RALYL: variants seen among roughly 807,000 people sequenced by gnomAD.
The protein encoded by RALYL is RALY RNA binding protein like, also known as RNA-binding Raly-like protein.
Under a neutral mutation model 35.1 loss-of-function variants are expected in RALYL, and 29 were observed. The ratio of observed to expected loss-of-function variants is 0.83; its 90% CI spans 0.61 to 1.13. The LOEUF is 1.13. RALYL is among the 50% of genes most tolerant of loss of function. The pLI, the probability that RALYL is intolerant of heterozygous loss-of-function variation, is 0.00. For missense variants in RALYL, 359 were observed against 360.4 expected (o/e 1.00, Z 0.03); for synonymous variants, 120 against 127.6 (o/e 0.94, Z 0.40).
chr8:84,311,091 A>AAAATT, intron 1 of RALYL, among the ~76,000 whole-genome samples: 1 of 117,120 alleles, frequency 8.5e-6, no homozygotes, highest in Admixed American at 9.5e-5. Flanking sequence ...AAAAAAAAAA[A>AAAATT]TGTATATTAA....
intron 3 of RALYL, among the ~76,000 whole-genome samples, chr8:84,788,016 A>G (rs903663918): frequency 2.6e-5 from 4 of 152,094 alleles, no homozygotes; most frequent in Admixed American, 2.0e-4. Context: ...GAAGCTCTTT[A>G]GTTTAGTTAG....
chr8:84,666,623 G>C (rs1173717804), intron 2 of RALYL, among the ~76,000 whole-genome samples: 1 of 152,016 alleles, frequency 6.6e-6, no homozygotes, highest in South Asian at 2.1e-4. Context: ...GGGACCAACC[G>C]TATGTATTTT....
intron 2 of RALYL, among the ~76,000 whole-genome samples, chr8:84,734,445 C>A (rs1846852170): frequency 6.6e-6 from 1 of 151,934 alleles, no homozygotes; most frequent in African/African-American, 2.4e-5. Context: ...TTCACTATTT[C>A]TTCATTGTTA....
chr8:84,190,360 T>C (rs192332361), intron 1 of RALYL, among the ~76,000 whole-genome samples: 38 of 152,326 alleles, frequency 2.5e-4, no homozygotes, highest in Middle Eastern at 3.4e-3. Flanking sequence ...CTGTGTTTAA[T>C]TGCCTCTTCA....
At chr8:84,319,535 T>C (rs1416414518) in intron 1 of RALYL, among the ~76,000 whole-genome samples, 1 of 152,126 alleles carries the variant, frequency 6.6e-6, no homozygotes, top group East Asian at 1.9e-4. Flanking sequence ...AGAGGAAGGC[T>C]TCTTTAAGTT....
chr8:84,902,636 G>A (rs746708404), intron 8 of RALYL, among the ~76,000 whole-genome samples: 29 of 152,138 alleles, frequency 1.9e-4, no homozygotes, highest in Non-Finnish European at 3.5e-4. Flanking sequence ...CAGTGTCTTT[G>A]CCTTTTATAA....
chr8:84,426,301 A>G (rs1438472857), intron 1 of RALYL, among the ~76,000 whole-genome samples: 1 of 151,972 alleles, frequency 6.6e-6, no homozygotes, highest in Non-Finnish European at 1.5e-5. Context: ...TTTACTATCT[A>G]CAGCCTTCAT....
chr8:84,378,759 A>G (rs1252836204), intron 1 of RALYL, among the ~76,000 whole-genome samples: 1 of 151,290 alleles, frequency 6.6e-6, no homozygotes, highest in South Asian at 2.1e-4. Context: ...TTTTTCACTT[A>G]TCTCCAGCAT....
chr8:84,438,566 A>T lies in RALYL; in HGVS notation c.-23-90733A>T, dbSNP rs556565143. On this transcript the variant is annotated intron_variant, in intron 1 of 8. Transcript: ENST00000521268. ...ATCTCAATAAGCTATTTTTTTAAAA[A>T]TTTTTTGTTGAGCCGAGGTTTTGCC... is the stretch of plus-strand genomic sequence containing the variant. Among the ~76,000 whole-genome samples the T allele has an allele frequency of 4.0e-5, 6 of 151,640 alleles. No individual in the cohort carries two copies. The South Asian group carries it at 6.3e-4, about 16-fold the overall frequency.
At chr8:84,273,697 C>T (rs553462071) in intron 1 of RALYL, among the ~76,000 whole-genome samples, 4 of 152,252 alleles carry the variant, frequency 2.6e-5, no homozygotes, top group African/African-American at 9.6e-5. Flanking sequence ...GTAGTTCCTA[C>T]AAAGAAAGTC....
At chr8:84,724,306 GTCTC>G (rs1057401601) in intron 2 of RALYL, among the ~76,000 whole-genome samples, 15 of 151,764 alleles carry the variant, frequency 9.9e-5, no homozygotes, top group Non-Finnish European at 1.6e-4. Flanking sequence ...ACTTTACATT[GTCTC>G]TCTTTCAGTA....
intron 1 of RALYL, among the ~76,000 whole-genome samples, chr8:84,366,941 A>AAT (rs764562917): frequency 3.3e-5 from 5 of 151,996 alleles, no homozygotes; most frequent in Admixed American, 2.0e-4. Flanking sequence ...AATAGTAGGA[A>AAT]ATAGCCTCTA....
At chr8:84,428,077 GTC>G (rs71271988) in intron 1 of RALYL, among the ~76,000 whole-genome samples, 10,188 of 128,996 alleles carry the variant, frequency 0.079, 366 homozygotes, top group East Asian at 0.1. Context: ...CTTGCTCGCT[GTC>G]TCTCTCTCTC....
intron 1 of RALYL, among the ~76,000 whole-genome samples, chr8:84,217,364 A>C (rs1047154718): frequency 6.6e-6 from 1 of 152,150 alleles, no homozygotes; most frequent in Non-Finnish European, 1.5e-5. Flanking sequence ...ATTAAAATGA[A>C]TTTTGTAAAC....
intron 1 of RALYL, among the ~76,000 whole-genome samples, chr8:84,234,536 G>C (rs1826054281): frequency 6.6e-6 from 1 of 152,122 alleles, no homozygotes; most frequent in African/African-American, 2.4e-5. Flanking sequence ...TTTCATAACT[G>C]ATTCAGCTGG....
At chr8:84,780,261 A>G (rs1817807358) in intron 3 of RALYL, among the ~76,000 whole-genome samples, 1 of 152,142 alleles carries the variant, frequency 6.6e-6, no homozygotes, top group South Asian at 2.1e-4. Flanking sequence ...AAACTGACAC[A>G]AGCCCAAACA....
At chr8:84,672,484 T>C (rs1230804940) in intron 2 of RALYL, among the ~76,000 whole-genome samples, 1 of 152,204 alleles carries the variant, frequency 6.6e-6, no homozygotes, top group East Asian at 1.9e-4. Context: ...TTTGGGTATC[T>C]TTACAGCAGC....
intron 2 of RALYL, among the ~76,000 whole-genome samples, chr8:84,584,155 T>C (rs140182492): frequency 7.2e-4 from 109 of 152,286 alleles, no homozygotes; most frequent in Non-Finnish European, 1.4e-3. Context: ...GTTATTGAAG[T>C]CCATAGTCAC....
chr8:84,590,098 G>A (rs960110046), intron 2 of RALYL, among the ~76,000 whole-genome samples: 55 of 152,196 alleles, frequency 3.6e-4, no homozygotes, highest in African/African-American at 1.2e-3. Flanking sequence ...TTTCTTTAAA[G>A]AGACATCAGA....
Sources: gnomAD v4.1 joint callset for allele counts (sites outside exome capture counted in the v4.1 genomes callset) on GRCh38, gnomAD v4.1.1 for gene constraint, MANE v1.5 for transcripts, NCBI Gene and HGNC (gene_info 2026-07-23, HGNC 2026-07-21) for gene names.